Variants in FRK observed in about 807,000 individuals in gnomAD.
FRK encodes tyrosine-protein kinase FRK.
In FRK, 51 loss-of-function variants were observed where a neutral mutation model predicts 56.4. That is an observed-to-expected ratio of 0.90 (90% CI 0.72 to 1.14). The LOEUF (loss-of-function observed/expected upper bound fraction) is 1.14, where lower values mean the gene tolerates loss of function less well. Among genes scored for constraint, FRK ranks in the 50% most tolerant of loss-of-function variants. FRK has a pLI of 0.00. For synonymous variants in FRK, 245 were observed against 217.9 expected (o/e 1.12, Z -1.10); for missense variants, 570 against 601.4 (o/e 0.95, Z 0.55).
the FRK span, among the ~76,000 whole-genome samples, chr6:116,090,513 G>C: frequency 6.6e-6 from 1 of 152,196 alleles, no homozygotes; most frequent in Non-Finnish European, 1.5e-5. Context: ...TGAAATGGCC[G>C]CATGGTTTGA....
intron 4 of FRK, among the ~76,000 whole-genome samples, chr6:115,957,238 T>G (rs924108196): frequency 3.3e-5 from 5 of 152,200 alleles, no homozygotes; most frequent in Admixed American, 1.3e-4. Context: ...AGAGCCTTAA[T>G]AGCATGGCCA....
chr6:116,061,139 G>A (rs535297109), upstream of FRK, among the ~76,000 whole-genome samples: 5 of 152,258 alleles, frequency 3.3e-5, no homozygotes, highest in East Asian at 9.6e-4. Flanking sequence ...ACAAATAGGA[G>A]TAGAATTGTT....
chr6:116,091,663 G>A, the FRK span, among the ~76,000 whole-genome samples: 1 of 152,104 alleles, frequency 6.6e-6, no homozygotes, highest in Non-Finnish European at 1.5e-5. Flanking sequence ...AGAATTCGGG[G>A]GCTAAACACC....
chr6:116,061,739 G>T (rs1307696382), upstream of FRK, among the ~76,000 whole-genome samples: 1 of 152,158 alleles, frequency 6.6e-6, no homozygotes, highest in Non-Finnish European at 1.5e-5. Context: ...CTAGTAGACA[G>T]CATTGCAAAC....
chr6:116,080,570 A>G, the FRK span, among the ~76,000 whole-genome samples: 1 of 152,262 alleles, frequency 6.6e-6, no homozygotes, highest in Admixed American at 6.5e-5. Context: ...ACCACAAGGA[A>G]AGCTACAACA....
intron 2 of FRK, among the ~76,000 whole-genome samples, chr6:115,990,816 T>C (rs1774574220): frequency 6.6e-6 from 1 of 151,896 alleles, no homozygotes; most frequent in South Asian, 2.1e-4. Context: ...AAATATGACA[T>C]TGGTAATTTG....
chr6:116,005,500 G>A (rs946799871), intron 1 of FRK, among the ~76,000 whole-genome samples: 1 of 152,172 alleles, frequency 6.6e-6, no homozygotes, highest in Admixed American at 6.5e-5. Context: ...TTATAGTCAT[G>A]TCTAAATGTA....
intron 2 of FRK, 73 bp downstream of exon 2, chr6:116,003,804 C>A: frequency 6.5e-7 from 1 of 1,535,130 alleles, no homozygotes; most frequent in South Asian, 1.2e-5. Flanking sequence ...ATGATCGTGT[C>A]CATGTTCACA....
Position 115,971,165 on chromosome 6 carries a change from G to A in FRK, c.467-2426C>T, listed in dbSNP as rs376246374. The stretch of plus-strand genomic sequence containing the variant: ...TCTCTTTATGAACAAATGGGGAATC[G>A]AGTCTCCAAACTGCTATATTATGGT... On this transcript the variant is annotated intron_variant, in intron 2 of 7. Transcript: ENST00000606080. Among the ~76,000 whole-genome samples, 26 of 152,186 alleles carry A rather than the reference G, an allele frequency of 1.7e-4. No homozygotes were observed. In the East Asian group the frequency reaches 2.1e-3, roughly 12 times the overall value.
At chr6:116,054,817 C>T (rs1416918116) in intron 1 of FRK, among the ~76,000 whole-genome samples, 2 of 151,754 alleles carry the variant, frequency 1.3e-5, no homozygotes, top group African/African-American at 4.8e-5. Flanking sequence ...TTTAATAATT[C>T]AAACTTCTCA....
chr6:116,054,146 T>G (rs1562307775), intron 1 of FRK, among the ~76,000 whole-genome samples: 1 of 151,496 alleles, frequency 6.6e-6, no homozygotes, highest in Non-Finnish European at 1.5e-5. Context: ...ACAATTATAT[T>G]AACATGAAGT....
chr6:116,007,744 C>T (rs1775298782), intron 1 of FRK, among the ~76,000 whole-genome samples: 1 of 152,082 alleles, frequency 6.6e-6, no homozygotes, highest in Non-Finnish European at 1.5e-5. Flanking sequence ...CTCAGAATGG[C>T]ATTGTCCTAT....
chr6:116,090,819 G>C, the FRK span, among the ~76,000 whole-genome samples: 14 of 152,290 alleles, frequency 9.2e-5, no homozygotes, highest in East Asian at 2.5e-3. Flanking sequence ...GTTTAACCTG[G>C]AACTAGCTGA....
rs1318437080 is a variant in FRK at position 115,931,641 on chromosome 6, AATTG to A, written c.*10769_*10772del. 6.6e-6 allele frequency: 1 copy of A among 152,190 alleles called. No homozygotes were observed. Among genetic ancestry groups the A allele is most frequent in the East Asian group, 1.9e-4 (1 of 5,206 alleles). 9.4% of individuals were successfully genotyped at this position (152,190 alleles called of 1,614,324 possible). On this transcript the variant is annotated 3_prime_UTR_variant, in exon 8 of 8. Coordinates refer to ENST00000606080, the MANE Select transcript of FRK (RefSeq NM_002031.3). ...TCAATAATTAAATATAGATTTTGAA[AATTG>A]ATTAAAAGCTATGATATATTTCTAC...
At chr6:115,994,193 G>A (rs1308362130) in intron 2 of FRK, among the ~76,000 whole-genome samples, 1 of 151,914 alleles carries the variant, frequency 6.6e-6, no homozygotes, top group African/African-American at 2.4e-5. Flanking sequence ...AATGTAACAT[G>A]GGGTACTTTC....
chr6:116,069,193 C>T, the FRK span, among the ~76,000 whole-genome samples: 1 of 152,106 alleles, frequency 6.6e-6, no homozygotes, highest in Non-Finnish European at 1.5e-5. Flanking sequence ...CAAATTTCCC[C>T]AAAATAACAG....
At chr6:116,077,955 T>G in the FRK span, among the ~76,000 whole-genome samples, 16,663 of 152,110 alleles carry the variant, frequency 0.11, 1,101 homozygotes, top group African/African-American at 0.19. Flanking sequence ...AGGTCAGAAG[T>G]TCAAGACCAG....
chr6:116,071,297 T>A, the FRK span, among the ~76,000 whole-genome samples: 1 of 152,188 alleles, frequency 6.6e-6, no homozygotes, highest in Non-Finnish European at 1.5e-5. Flanking sequence ...GCTCTACTCA[T>A]CTTCACAAAG....
chr6:116,093,319 C>T, the FRK span, among the ~76,000 whole-genome samples: 2 of 152,284 alleles, frequency 1.3e-5, no homozygotes, highest in East Asian at 3.9e-4. Context: ...TTTGGCCCAA[C>T]CCAGGTACAT....
Sources: allele counts gnomAD v4.1 joint callset (sites outside exome capture counted in the v4.1 genomes callset), GRCh38; gene constraint gnomAD v4.1.1; transcripts MANE v1.5; gene names NCBI Gene and HGNC (gene_info 2026-07-23, HGNC 2026-07-21).